The following MRPL3 variants were observed in gnomAD, a reference collection of about 807,000 sequenced individuals.
MRPL3 encodes mitochondrial ribosomal protein L3.
MRPL3 carries 43 observed loss-of-function variants against 44.3 expected under a neutral mutation model. The ratio of observed to expected loss-of-function variants is 0.97; its 90% confidence interval spans 0.76 to 1.25. The LOEUF is 1.25. Ranked by LOEUF, MRPL3 falls within the 50% of genes most tolerant of loss-of-function variation. MRPL3 has a pLI of 0.00. For synonymous variants in MRPL3, 171 were observed against 152.3 expected, an observed-to-expected ratio of 1.12 and a Z score of -0.91; for missense variants, 406 against 427.6, an observed-to-expected ratio of 0.95 and a Z score of 0.45.
Position 131,496,304 on chromosome 3 carries a change from A to G in MRPL3, c.468+1875T>C, listed in dbSNP as rs150493674. Among the ~76,000 whole-genome samples, 554 of 152,358 alleles carry G rather than the reference A, an allele frequency of 3.6e-3. 14 individuals are homozygous for G. Among genetic ancestry groups the G allele is most frequent in the Admixed American group, 0.032 (485 of 15,308 alleles). ...TCCCATAAATATCTCATTGTACTCT[A>G]TAATTACTATGGAGTTATATGAAAC... On this transcript the variant is annotated intron_variant, in intron 4 of 9. Transcript: ENST00000264995.
Position 131,501,550 on chromosome 3 carries a change from A to G in MRPL3, c.258T>C (p.Pro86=). ...KLCPLKDEPW[P]IHPWEPGSFR... The stretch of plus-strand genomic sequence containing the variant: ...AATCACCTGGTTCCCAAGGATGTAT[A>G]GGCCATGGTTCATCTTTCAGAGGAC... The change falls in exon 2 of 10, where the codon CCT becomes CCC. Residue 86 remains proline, a synonymous_variant. Coordinates refer to ENST00000264995, the MANE Select transcript of MRPL3 (RefSeq NM_007208.4). The G allele has an allele frequency of 1.9e-6, 3 of 1,611,720 alleles. No homozygotes were observed. Among genetic ancestry groups the G allele is most frequent in the Non-Finnish European group, 2.5e-6 (3 of 1,179,782 alleles).
intron 9 of MRPL3, 31 bp from the exon 10 acceptor site, chr3:131,462,906 A>C: frequency 6.3e-7 from 1 of 1,580,384 alleles, no homozygotes; most frequent in Non-Finnish European, 8.6e-7. Flanking sequence ...TAGTGAAACC[A>C]ATTAAGTTCT....
chr3:131,478,510 T>C (rs1223128160), intron 6 of MRPL3, among the ~76,000 whole-genome samples: 2 of 152,176 alleles, frequency 1.3e-5, no homozygotes, highest in Non-Finnish European at 2.9e-5. Context: ...GGATCCAACC[T>C]GACTTCCAAA....
chr3:131,462,702 G>A lies in MRPL3; in HGVS notation c.*21C>T, dbSNP rs764925990. ...CATCGAAGCTCACAGAATATGTAAG[G>A]TTCTGCCACGTCCAAAGATGTTAGG... On this transcript the variant is annotated 3_prime_UTR_variant, in exon 10 of 10. Coordinates refer to ENST00000264995, the MANE Select transcript of MRPL3 (RefSeq NM_007208.4). The A allele has an allele frequency of 6.2e-7, 1 of 1,603,058 alleles. No individual in the cohort carries two copies. Among genetic ancestry groups the A allele is most frequent in the South Asian group, 1.1e-5 (1 of 89,570 alleles).
intron 6 of MRPL3, among the ~76,000 whole-genome samples, chr3:131,474,257 T>G (rs1381311067): frequency 2.0e-5 from 3 of 152,258 alleles, no homozygotes; most frequent in African/African-American, 7.2e-5. Flanking sequence ...TTAATGAAAC[T>G]GGAGGACATT....
rs1933510362 is a variant in MRPL3, at chr3:131,462,433, T to C, written c.*290A>G. On this transcript the variant is annotated 3_prime_UTR_variant, in exon 10 of 10. Coordinates refer to ENST00000264995, the MANE Select transcript of MRPL3 (RefSeq NM_007208.4). ...AAATTTACAGACATCTTAAGATAAC[T>C]TGGGAAATATGTAGTAAAAAAGAAT... The C allele has an allele frequency of 1.7e-5, 4 of 241,900 alleles. No homozygotes were observed. In the South Asian group the frequency reaches 6.4e-4, roughly 39 times the overall value. The allele number at this position is 241,900 out of a possible 1,614,324, so 15.0% of individuals were successfully genotyped here.
At position 131,502,782 on chromosome 3, in the gene MRPL3, C is replaced by G. The variant is rs1393318451; in HGVS notation, c.40G>C (p.Val14Leu). The change falls in exon 1 of 10, where the codon GTG becomes CTG. Residue 14 changes from valine to leucine, a missense_variant. Coordinates refer to ENST00000264995, the MANE Select transcript of MRPL3 (RefSeq NM_007208.4). ...AGGCCGTCCCCGAGTCGACCCAGCA[C>G]CTGGGCGCCGACCTGCGTCAGCAGC... The part of the protein sequence containing the change: ...WRLLTQVGAQ[V>L]LGRLGDGLGA... The G allele has an allele frequency of 1.2e-6, 2 of 1,612,728 alleles. No individual in the cohort carries two copies.
intron 6 of MRPL3, chr3:131,479,037 T>A (rs1416446839): frequency 2.3e-6 from 1 of 442,666 alleles, no homozygotes; most frequent in Non-Finnish European, 4.4e-6. Flanking sequence ...ATCCATACTC[T>A]AAGTAGAGGT....
intron 6 of MRPL3, among the ~76,000 whole-genome samples, chr3:131,478,276 C>T (rs1933899501): frequency 2.0e-5 from 3 of 152,222 alleles, no homozygotes; most frequent in South Asian, 2.1e-4. Flanking sequence ...TACAGATGTA[C>T]CAACCATATC....
At chr3:131,501,455 T>A in intron 2 of MRPL3, 76 bp downstream of exon 2, 1 of 1,099,140 alleles carries the variant, frequency 9.1e-7, no homozygotes, top group Non-Finnish European at 1.3e-6. Context: ...AATTATCAAG[T>A]AGTCACTATG....
chr3:131,469,124 A>G (rs1349009847), intron 8 of MRPL3, among the ~76,000 whole-genome samples: 3 of 152,018 alleles, frequency 2.0e-5, no homozygotes, highest in Non-Finnish European at 4.4e-5. Context: ...TTAAATATAC[A>G]CAGACATTTT....
At chr3:131,492,188 CTTAT>C (rs1438317903) in intron 4 of MRPL3, among the ~76,000 whole-genome samples, 1 of 152,114 alleles carries the variant, frequency 6.6e-6, no homozygotes, top group Non-Finnish European at 1.5e-5. Context: ...TTTTTTGTCA[CTTAT>C]CCCCTCAGCC....
chr3:131,466,695 G>T (rs1298423177), intron 9 of MRPL3, among the ~76,000 whole-genome samples: 5 of 149,630 alleles, frequency 3.3e-5, no homozygotes, highest in African/African-American at 9.8e-5. Flanking sequence ...TTTTTTGGGG[G>T]GGGGTGGGGG....
intron 9 of MRPL3, among the ~76,000 whole-genome samples, chr3:131,463,817 T>C (rs1390879783): frequency 6.6e-6 from 1 of 152,160 alleles, no homozygotes; most frequent in East Asian, 1.9e-4. Context: ...CTTCAGAACT[T>C]CTGACTCATT....
chr3:131,472,026 C>T (rs1379837955), intron 6 of MRPL3, among the ~76,000 whole-genome samples: 1 of 152,172 alleles, frequency 6.6e-6, no homozygotes, highest in African/African-American at 2.4e-5. Context: ...TGCTTGACTG[C>T]AGCTTTGGGA....
At chr3:131,489,873 G>T in intron 5 of MRPL3, 108 bp downstream of exon 5, 1 of 584,706 alleles carries the variant, frequency 1.7e-6, no homozygotes. Flanking sequence ...TTAAAAGTAA[G>T]TGTTTGAGAC....
At chr3:131,475,130 A>G (rs985196157) in intron 6 of MRPL3, among the ~76,000 whole-genome samples, 2 of 152,134 alleles carry the variant, frequency 1.3e-5, no homozygotes, top group African/African-American at 2.4e-5. Flanking sequence ...ACCTTTTACT[A>G]GATAATACAT....
intron 4 of MRPL3, among the ~76,000 whole-genome samples, chr3:131,497,429 G>A (rs1275447309): frequency 6.6e-6 from 1 of 152,162 alleles, no homozygotes; most frequent in Non-Finnish European, 1.5e-5. Flanking sequence ...CAGAGAGTAT[G>A]GGTTGTATCC....
chr3:131,468,134 T>C lies in MRPL3; in HGVS notation c.851A>G (p.Tyr284Cys), dbSNP rs780018494. The change falls in exon 9 of 10, where the codon TAT becomes TGT. Residue 284 changes from tyrosine to cysteine, a missense_variant. By Grantham distance (194) the Tyr-to-Cys change is radical. Coordinates refer to ENST00000264995, the MANE Select transcript of MRPL3 (RefSeq NM_007208.4). ...WRINTKHNIIYVNGSVPGHKN... is the reference protein window; with the variant it reads ...WRINTKHNIICVNGSVPGHKN... ...ATGTCCAGGTACAGAGCCATTTACA[T>C]AGATTATGTTGTGCTTTGTGTTTAT... is the stretch of plus-strand genomic sequence containing the variant. 7 of 1,597,476 alleles carry C rather than the reference T, an allele frequency of 4.4e-6. No individual in the cohort carries two copies. Among genetic ancestry groups the C allele is most frequent in the Admixed American group, 1.8e-5 (1 of 56,934 alleles).
Sources: allele counts gnomAD v4.1 joint callset (sites outside exome capture counted in the v4.1 genomes callset), GRCh38; gene constraint gnomAD v4.1.1; transcripts MANE v1.5; gene names NCBI Gene and HGNC (gene_info 2026-07-23, HGNC 2026-07-21).